SYTL3: variants seen among roughly 807,000 people sequenced by gnomAD.
SYTL3 encodes the protein synaptotagmin like 3, also known as synaptotagmin-like protein 3.
Under a neutral mutation model 82.1 loss-of-function variants are expected in SYTL3, and 88 were observed. That is an observed-to-expected ratio of 1.07 (90% CI 0.90 to 1.28). The LOEUF (loss-of-function observed/expected upper bound fraction) is 1.28. Among genes scored for constraint, SYTL3 ranks in the 50% most tolerant of loss-of-function variants. The pLI is 0.00. For missense variants in SYTL3, 831 were observed against 757.6 expected (o/e 1.10, Z -1.14); for synonymous variants, 311 against 289.4 (o/e 1.07, Z -0.76).
intron 12 of SYTL3, among the ~76,000 whole-genome samples, chr6:158,750,308 CTG>C (rs1240293731): frequency 6.6e-6 from 1 of 152,096 alleles, no homozygotes; most frequent in Non-Finnish European, 1.5e-5. Context: ...ACGGGCAGGA[CTG>C]TGATAGGGAA....
intron 5 of SYTL3, among the ~76,000 whole-genome samples, chr6:158,677,993 A>C (rs546342663): frequency 6.6e-6 from 1 of 152,236 alleles, no homozygotes; most frequent in East Asian, 1.9e-4. Flanking sequence ...GGGCTCAAGC[A>C]GTCCTCCCAC....
At chr6:158,670,601 G>A (rs1461936316) in intron 5 of SYTL3, among the ~76,000 whole-genome samples, 5 of 151,788 alleles carry the variant, frequency 3.3e-5, no homozygotes, top group African/African-American at 1.2e-4. Flanking sequence ...GGCCAACATG[G>A]TGAAACCCCA....
intron 6 of SYTL3, among the ~76,000 whole-genome samples, chr6:158,684,881 G>A (rs1263273426): frequency 2.0e-5 from 3 of 151,336 alleles, no homozygotes; most frequent in Non-Finnish European, 4.4e-5. Context: ...AATACTAAGG[G>A]TCATGTCAGG....
At chr6:158,653,961 A>G (rs907841083) in intron 2 of SYTL3, among the ~76,000 whole-genome samples, 3 of 152,188 alleles carry the variant, frequency 2.0e-5, no homozygotes, top group African/African-American at 7.2e-5. Context: ...TCCCTTTCCC[A>G]TCCTCCTCAT....
At chr6:158,725,681 GT>G in intron 11 of SYTL3, 44 bp downstream of exon 11, 2 of 1,594,658 alleles carry the variant, frequency 1.3e-6, no homozygotes, top group Non-Finnish European at 1.7e-6. Context: ...TTTGTTTTTT[GT>G]TTTTTTGGAA....
intron 9 of SYTL3, among the ~76,000 whole-genome samples, chr6:158,715,865 C>T (rs900678088): frequency 3.9e-5 from 6 of 152,224 alleles, no homozygotes; most frequent in Admixed American, 2.6e-4. Context: ...CTCCTCTTCT[C>T]GTGCTCCTAT....
chr6:158,648,944 G>A (rs1001982355), upstream of SYTL3, among the ~76,000 whole-genome samples: 4 of 152,170 alleles, frequency 2.6e-5, no homozygotes, highest in South Asian at 2.1e-4. Flanking sequence ...GCTGGGAAGC[G>A]GAGGCACAGT....
At chr6:158,667,015 C>T (rs554296517) in intron 5 of SYTL3, among the ~76,000 whole-genome samples, 3 of 152,316 alleles carry the variant, frequency 2.0e-5, no homozygotes, top group East Asian at 1.9e-4. Flanking sequence ...TGTGAGCTGC[C>T]CTGGCGGCAT....
At chr6:158,645,718 G>A (rs1787398124), upstream of SYTL3, among the ~76,000 whole-genome samples, 1 of 152,078 alleles carries the variant, frequency 6.6e-6, no homozygotes, top group Non-Finnish European at 1.5e-5. Flanking sequence ...GTCTATCAGG[G>A]TCTTATTAGA....
intron 2 of SYTL3, among the ~76,000 whole-genome samples, chr6:158,659,248 C>A (rs1186028268): frequency 4.6e-5 from 7 of 152,144 alleles, no homozygotes; most frequent in Admixed American, 4.6e-4. Flanking sequence ...GTGTTATATC[C>A]TTGGCTTTAA....
At position 158,663,299 on chromosome 6, in the gene SYTL3, A is replaced by G. The variant is rs1789583986; in HGVS notation, c.31A>G (p.Lys11Glu). 2.5e-6 allele frequency: 4 copies of G among 1,614,038 alleles called. No homozygotes were observed. Among genetic ancestry groups the G allele is most frequent in the Non-Finnish European group, 1.7e-6 (2 of 1,180,044 alleles). The change falls in exon 4 of 18, where the codon AAG becomes GAG. Residue 11 changes from lysine (K) to glutamate (E), a missense_variant. Lys to Glu is a moderately conservative substitution (Grantham distance 56, BLOSUM62 1). Coordinates refer to ENST00000611299, the MANE Select transcript of SYTL3 (RefSeq NM_001242394.2). The part of the protein sequence containing the change: MAQEIDLSAL[K>E]ELEREAILQV... ...CCAAGAAATAGATCTGAGTGCTCTCAAGGAGTTAGAACGCGAGGCCATTCT... is the reference window on the plus strand; with the variant it reads ...CCAAGAAATAGATCTGAGTGCTCTCGAGGAGTTAGAACGCGAGGCCATTCT...
chr6:158,736,268 A>G (rs984812830), intron 11 of SYTL3, among the ~76,000 whole-genome samples: 20 of 150,896 alleles, frequency 1.3e-4, no homozygotes, highest in Admixed American at 7.3e-4. Context: ...GGAGAATGGC[A>G]TGAACCCGGG....
chr6:158,667,634 C>G (rs926722256), intron 5 of SYTL3, among the ~76,000 whole-genome samples: 1 of 152,178 alleles, frequency 6.6e-6, no homozygotes, highest in African/African-American at 2.4e-5. Flanking sequence ...TCATTGTCTC[C>G]CCTGCTTCTT....
At chr6:158,757,158 T>C (rs2128542218) in intron 13 of SYTL3, 53 bp from the exon 14 acceptor site, 2 of 1,551,888 alleles carry the variant, frequency 1.3e-6, no homozygotes, top group Non-Finnish European at 1.7e-6. Context: ...ATGGGGATCC[T>C]AGGAGTGCGG....
At chr6:158,654,598 C>T (rs1788445772) in intron 2 of SYTL3, among the ~76,000 whole-genome samples, 1 of 152,176 alleles carries the variant, frequency 6.6e-6, no homozygotes, top group Non-Finnish European at 1.5e-5. Flanking sequence ...TTGAGTCGGG[C>T]TTGCTTTGTT....
At chr6:158,685,268 C>T (rs1321546825) in intron 6 of SYTL3, among the ~76,000 whole-genome samples, 1 of 148,780 alleles carries the variant, frequency 6.7e-6, no homozygotes, top group Non-Finnish European at 1.5e-5. Flanking sequence ...GGCTGGAGTG[C>T]AGTAGCATGA....
rs778212184 is a variant in SYTL3, at chr6:158,760,714, A to T, written c.1383A>T (p.Ser461=). 8.7e-6 allele frequency: 14 copies of T among 1,614,008 alleles called. No homozygotes were observed. In the East Asian group the frequency reaches 2.9e-4, roughly 33 times the overall value. Residue 461 remains serine (S), a synonymous_variant, in exon 15 of 18, where the codon TCA becomes TCT. Transcript: ENST00000611299. Reference sequence around the variant, plus strand: ...TCCGGGCTAAGCTGGTTCTCCCTTCACGGCCCAGAAAACTCCAAGAGGCTC... The same window carrying T: ...TCCGGGCTAAGCTGGTTCTCCCTTCTCGGCCCAGAAAACTCCAAGAGGCTC... ...LTVRAKLVLP[S]RPRKLQEAQE... is the part of the protein sequence containing the mutation.
intron 2 of SYTL3, among the ~76,000 whole-genome samples, chr6:158,659,316 G>A (rs755241985): frequency 6.3e-4 from 96 of 152,314 alleles, no homozygotes; most frequent in Admixed American, 2.1e-3. Context: ...TGCCAAGCCA[G>A]AAGGAGCTGT....
Position 158,718,151 on chromosome 6 carries a change from G to T in SYTL3, c.660G>T (p.Gln220His). 6.5e-7 allele frequency: 1 copy of T among 1,547,292 alleles called. No individual in the cohort carries two copies. The highest frequency in any genetic ancestry group is 1.2e-5 in the South Asian group (1 of 83,500). The change falls in exon 10 of 18, where the codon CAG (glutamine) becomes CAT (histidine). Residue 220 changes from glutamine to histidine, a missense_variant. Coordinates refer to ENST00000611299, the MANE Select transcript of SYTL3 (RefSeq NM_001242394.2). ...ATCTTCTCGCCACGGGCCCCAGGCA[G>T]TGTGTGGGACAGACAGAGAGACGGA... ...EKHLLATGPRQCVGQTERRSQ... is the reference protein window; with the variant it reads ...EKHLLATGPRHCVGQTERRSQ...
Sources: gnomAD v4.1 joint callset for allele counts (sites outside exome capture counted in the v4.1 genomes callset) on GRCh38, gnomAD v4.1.1 for gene constraint, MANE v1.5 for transcripts, NCBI Gene and HGNC (gene_info 2026-07-23, HGNC 2026-07-21) for gene names.